The following PAFAH2 variants were observed in gnomAD, a reference collection of about 807,000 sequenced individuals.
PAFAH2 encodes the protein platelet-activating factor acetylhydrolase 2, cytoplasmic.
In PAFAH2, 42 loss-of-function variants were observed where a neutral mutation model predicts 49.0. That is an observed-to-expected ratio of 0.86 (90% CI 0.67 to 1.11). The LOEUF (loss-of-function observed/expected upper bound fraction) is 1.11. Ranked by LOEUF, PAFAH2 falls within the 50% of genes least tolerant of loss-of-function variation. The probability of loss-of-function intolerance (pLI) is 0.00; values close to 1 mark genes in which losing one functional copy is unlikely to be tolerated. For missense variants in PAFAH2, 503 were observed against 501.8 expected, an observed-to-expected ratio of 1.00 and a Z score of -0.02; for synonymous variants, 184 against 181.3, an observed-to-expected ratio of 1.01 and a Z score of -0.12.
In PAFAH2 at chr1:25,962,072, C is replaced by G; in HGVS notation, c.1096G>C (p.Asp366His). 6.2e-7 allele frequency: 1 copy of G among 1,613,312 alleles called. No individual in the cohort carries two copies. Among genetic ancestry groups the G allele is most frequent in the Non-Finnish European group, 8.5e-7 (1 of 1,179,532 alleles). ...ATAAGGTTGTTCCATTGATTATAGT[C>G]TTCTTTCAGGTCTGAAAAGGAAAAA... ...FLQKHLDLKE[D>H]YNQWNNLIEG... The change falls in exon 11 of 11, where the codon GAC becomes CAC. Residue 366 changes from aspartate (D) to histidine (H), a missense_variant. Transcript: ENST00000374282.
At chr1:25,995,891 C>T (rs1484311348) in intron 1 of PAFAH2, among the ~76,000 whole-genome samples, 2 of 152,150 alleles carry the variant, frequency 1.3e-5, no homozygotes, top group Non-Finnish European at 2.9e-5. Context: ...GATTTAAACC[C>T]ATCTCAAGTC....
rs2049739043 is a variant in PAFAH2, at chr1:25,984,045, T to C, written c.453A>G (p.Pro151=). ...AATTYFCKQA[P]EENQPTNESL... is the part of the protein sequence containing the mutation. ...ATTCATTGGTGGGCTGGTTCTCTTC[T>C]GGGGCCTGCTTGCAGAAATAGGTGG... Residue 151 remains proline (P), a synonymous_variant, in exon 6 of 11, where the codon CCA becomes CCG. Transcript: ENST00000374282. 1 of 1,614,028 alleles carries C rather than the reference T, an allele frequency of 6.2e-7. No individual in the cohort carries two copies. The highest frequency in any genetic ancestry group is 1.7e-5 in the Admixed American group (1 of 59,992).
At chr1:25,990,647 C>T (rs2049858121) in intron 2 of PAFAH2, 80 bp downstream of exon 2, 3 of 1,170,796 alleles carry the variant, frequency 2.6e-6, no homozygotes, top group East Asian at 4.8e-5. Flanking sequence ...CGTGGGAATA[C>T]AGGATCAGAC....
At chr1:25,993,129 T>C (rs2049897495) in intron 1 of PAFAH2, among the ~76,000 whole-genome samples, 1 of 152,230 alleles carries the variant, frequency 6.6e-6, no homozygotes, top group South Asian at 2.1e-4. Context: ...GACCCACTCC[T>C]AGACTTTCTA....
chr1:25,979,319 C>CTT (rs68030738), intron 7 of PAFAH2, among the ~76,000 whole-genome samples: 625 of 62,158 alleles, frequency 0.01, 4 homozygotes, highest in South Asian at 0.021. Context: ...TTACCAATGC[C>CTT]TTTTTTTTTT....
At chr1:25,979,893 T>C (rs932850026) in intron 7 of PAFAH2, among the ~76,000 whole-genome samples, 1 of 152,192 alleles carries the variant, frequency 6.6e-6, no homozygotes, top group African/African-American at 2.4e-5. Context: ...CCCAAACTGT[T>C]GGGATTACAG....
intron 7 of PAFAH2, among the ~76,000 whole-genome samples, chr1:25,978,084 C>T (rs566403418): frequency 2.0e-5 from 3 of 152,188 alleles, no homozygotes; most frequent in Non-Finnish European, 4.4e-5. Context: ...ACAGCCCAGC[C>T]TCTGCTCTGA....
At position 25,982,429 on chromosome 1, in the gene PAFAH2, C is replaced by T. The variant is rs773137664; in HGVS notation, c.601G>A (p.Glu201Lys). The change falls in exon 7 of 11, where the codon GAG becomes AAG. Residue 201 changes from glutamate to lysine, a missense_variant. Glu to Lys is a moderately conservative substitution (Grantham distance 56, BLOSUM62 1). Coordinates refer to ENST00000374282, the MANE Select transcript of PAFAH2 (RefSeq NM_000437.4). ...AAGACAGTCTGCCCAGCAGTGACCT[C>T]TTGCAGGATCTTCAACACCCGTAAA... ...ECLRVLKILQ[E>K]VTAGQTVFNI... 2 of 1,614,180 alleles carry T rather than the reference C, an allele frequency of 1.2e-6. No individual in the cohort carries two copies. The highest frequency in any genetic ancestry group is 1.1e-5 in the South Asian group (1 of 91,080).
intron 1 of PAFAH2, among the ~76,000 whole-genome samples, chr1:25,992,649 G>C (rs144243047): frequency 6.6e-6 from 1 of 152,134 alleles, no homozygotes; most frequent in African/African-American, 2.4e-5. Context: ...CTTGACAAAG[G>C]CAATTTACCC....
intron 3 of PAFAH2, among the ~76,000 whole-genome samples, chr1:25,989,146 C>G (rs1001895779): frequency 3.9e-5 from 6 of 152,182 alleles, no homozygotes; most frequent in African/African-American, 1.4e-4. Flanking sequence ...GCATTAGAGG[C>G]TTTACGTACA....
At chr1:25,963,239 C>T (rs2049367171) in intron 10 of PAFAH2, among the ~76,000 whole-genome samples, 1 of 152,176 alleles carries the variant, frequency 6.6e-6, no homozygotes, top group Non-Finnish European at 1.5e-5. Context: ...ACTACATAGT[C>T]ATTAATTCAA....
intron 9 of PAFAH2, among the ~76,000 whole-genome samples, chr1:25,973,082 T>A (rs1207656482): frequency 6.6e-6 from 1 of 152,208 alleles, no homozygotes; most frequent in Admixed American, 6.5e-5. Flanking sequence ...TACAATCTAT[T>A]AGCTGTGGCT....
At chr1:25,994,786 C>T (rs546934230) in intron 1 of PAFAH2, among the ~76,000 whole-genome samples, 2 of 152,060 alleles carry the variant, frequency 1.3e-5, no homozygotes, top group Admixed American at 6.5e-5. Flanking sequence ...TCAGGATAAG[C>T]GGACTTGGAA....
At chr1:25,987,847 C>T (rs1215703445) in intron 4 of PAFAH2, among the ~76,000 whole-genome samples, 1 of 152,016 alleles carries the variant, frequency 6.6e-6, no homozygotes, top group Non-Finnish European at 1.5e-5. Context: ...CACTGCACTC[C>T]AGCCTGGGCA....
intron 1 of PAFAH2, 154 bp from the exon 2 acceptor site, chr1:25,991,017 T>C (rs2049865117): frequency 5.7e-6 from 3 of 528,428 alleles, no homozygotes; most frequent in Non-Finnish European, 1.0e-5. Flanking sequence ...CTTTGCTACA[T>C]TGCCTTTGCC....
intron 10 of PAFAH2, among the ~76,000 whole-genome samples, chr1:25,968,655 T>C (rs931545883): frequency 6.6e-6 from 1 of 152,190 alleles, no homozygotes; most frequent in South Asian, 2.1e-4. Flanking sequence ...TAGTTTCCCA[T>C]GTGACAATGT....
At chr1:25,972,315 C>T (rs1016612350) in intron 10 of PAFAH2, among the ~76,000 whole-genome samples, 2 of 150,358 alleles carry the variant, frequency 1.3e-5, no homozygotes, top group Admixed American at 6.6e-5. Flanking sequence ...TCAGACTGGT[C>T]TCGAACTCCT....
At chr1:25,970,748 G>T (rs2049494103) in intron 10 of PAFAH2, among the ~76,000 whole-genome samples, 1 of 151,952 alleles carries the variant, frequency 6.6e-6, no homozygotes, top group South Asian at 2.1e-4. Context: ...ACCATACCTG[G>T]CTAATTTTAT....
rs767017184 is a variant in PAFAH2, at chr1:25,962,064, A to G, written c.1104T>C (p.Asn368=). 3.7e-6 allele frequency: 6 copies of G among 1,613,692 alleles called. No homozygotes were observed. The East Asian group carries it at 1.3e-4, about 36-fold the overall frequency. ...QKHLDLKEDY[N]QWNNLIEGIG... ...TGCCTTCAATAAGGTTGTTCCATTG[A>G]TTATAGTCTTCTTTCAGGTCTGAAA... is the stretch of plus-strand genomic sequence containing the variant. Residue 368 remains asparagine, a synonymous_variant, in exon 11 of 11, where the codon AAT becomes AAC. Transcript: ENST00000374282.
Sources: gnomAD v4.1 joint callset for allele counts (sites outside exome capture counted in the v4.1 genomes callset) on GRCh38, gnomAD v4.1.1 for gene constraint, MANE v1.5 for transcripts, NCBI Gene and HGNC (gene_info 2026-07-23, HGNC 2026-07-21) for gene names.